SLC47A2: variants seen among roughly 807,000 people sequenced by gnomAD.
SLC47A2 encodes multidrug and toxin extrusion protein 2.
Under a neutral mutation model 67.7 loss-of-function variants are expected in SLC47A2, and 52 were observed. That is an observed-to-expected ratio of 0.77 (90% CI 0.61 to 0.97). The LOEUF is 0.97. Among genes scored for constraint, SLC47A2 ranks in the 50% least tolerant of loss-of-function variants. SLC47A2 has a pLI of 0.00. For missense variants in SLC47A2, 676 were observed against 712.3 expected (o/e 0.95, Z 0.58); for synonymous variants, 278 against 292.9 (o/e 0.95, Z 0.52).
At chr17:19,705,383 C>A in intron 10 of SLC47A2, 53 bp downstream of exon 10, 1 of 1,555,934 alleles carries the variant, frequency 6.4e-7, no homozygotes, top group Admixed American at 1.8e-5. Flanking sequence ...TCCTATGACA[C>A]CTCCAGCCAT....
intron 13 of SLC47A2, among the ~76,000 whole-genome samples, chr17:19,700,984 A>G (rs572270322): frequency 2.1e-4 from 31 of 151,112 alleles, no homozygotes; most frequent in Admixed American, 5.3e-4. Context: ...CCTGGCCAAC[A>G]TGGTGAAACC....
At position 19,708,221 on chromosome 17, in the gene SLC47A2, G is replaced by A. The variant is rs1287832692; in HGVS notation, c.629+81C>T. On this transcript the variant is annotated intron_variant, in intron 7 of 16. Coordinates refer to ENST00000433844, the MANE Select transcript of SLC47A2 (RefSeq NM_001099646.3). ...GGACGGCACAGGCAGGGCCAGGATG[G>A]TGACTGATCTGTCTCCACCAGGGGT... The A allele has an allele frequency of 3.3e-6, 5 of 1,509,112 alleles. No individual in the cohort carries two copies. In the East Asian group the frequency reaches 1.1e-4, roughly 34 times the overall value. The allele number at this position is 1,509,112 out of a possible 1,614,324, so 93.5% of individuals were successfully genotyped here. A position where few individuals can be genotyped will look rare whatever the true frequency, so the allele number is the denominator to read the frequency against.
chr17:19,694,455 T>C (rs2085613067), intron 13 of SLC47A2, among the ~76,000 whole-genome samples: 1 of 152,172 alleles, frequency 6.6e-6, no homozygotes, highest in Non-Finnish European at 1.5e-5. Flanking sequence ...AATTCAGAAG[T>C]AAACCACTAC....
intron 13 of SLC47A2, among the ~76,000 whole-genome samples, chr17:19,695,709 C>A (rs1433978738): frequency 1.3e-5 from 2 of 150,918 alleles, no homozygotes; most frequent in Non-Finnish European, 3.0e-5. Context: ...GTGTCTCCCA[C>A]AAAAGATACT....
chr17:19,706,082 G>A (rs891439045), intron 9 of SLC47A2, among the ~76,000 whole-genome samples: 9 of 152,168 alleles, frequency 5.9e-5, no homozygotes, highest in Admixed American at 5.9e-4. Context: ...ACCAGGGTCC[G>A]GCAACTCGAG....
chr17:19,679,195 G>C (rs1016607847), intron 16 of SLC47A2, among the ~76,000 whole-genome samples: 8 of 152,164 alleles, frequency 5.3e-5, no homozygotes, highest in Non-Finnish European at 1.2e-4. Flanking sequence ...ATGATCTGTG[G>C]CTTCAAAAGC....
intron 13 of SLC47A2, 134 bp downstream of exon 13, chr17:19,702,471 G>T: frequency 6.8e-7 from 1 of 1,471,450 alleles, no homozygotes. Context: ...CAAATACTTT[G>T]GGCACTTACT....
At chr17:19,680,069 C>T in intron 15 of SLC47A2, 30 bp from the exon 16 acceptor site, 1 of 1,606,402 alleles carries the variant, frequency 6.2e-7, no homozygotes. Context: ...ATTGGGTCAA[C>T]CTGCCAGCTC....
At chr17:19,697,635 C>T (rs955417215) in intron 13 of SLC47A2, among the ~76,000 whole-genome samples, 7 of 152,062 alleles carry the variant, frequency 4.6e-5, no homozygotes, top group Non-Finnish European at 1.0e-4. Context: ...TCACCCAGCC[C>T]AGAGTGCAGT....
intron 10 of SLC47A2, chr17:19,705,117 C>T (rs1489704472): frequency 2.5e-6 from 1 of 403,264 alleles, no homozygotes; most frequent in Non-Finnish European, 4.4e-6. Flanking sequence ...CCACTGCGCC[C>T]AGCCTGGAAT....
intron 4 of SLC47A2, 144 bp downstream of exon 4, chr17:19,713,681 T>A: frequency 8.6e-7 from 1 of 1,164,666 alleles, no homozygotes; most frequent in Non-Finnish European, 1.2e-6. Flanking sequence ...AACCAAAGCC[T>A]GGAAGGTACC....
At chr17:19,682,329 T>A (rs144126894) in intron 13 of SLC47A2, among the ~76,000 whole-genome samples, 8 of 143,886 alleles carry the variant, frequency 5.6e-5, no homozygotes, top group African/African-American at 5.2e-5. Flanking sequence ...CGAGACTTGG[T>A]CACACACACA....
chr17:19,715,227 A>G lies in SLC47A2; in HGVS notation c.124-10T>C. 1 of 1,606,876 alleles carries G rather than the reference A, an allele frequency of 6.2e-7. No homozygotes were observed. The highest frequency in any genetic ancestry group is 8.5e-7 in the Non-Finnish European group (1 of 1,179,650). The stretch of plus-strand genomic sequence containing the variant: ...GCACCTGGAACAGGAACTGGAGGAC[A>G]GCGGCCAGGTCAGACTCGGGGCCAC... On this transcript the variant is annotated splice_polypyrimidine_tract_variant and intron_variant, in intron 1 of 16. Transcript: ENST00000433844.
upstream of SLC47A2, chr17:19,716,680 G>T: frequency 7.2e-7 from 1 of 1,385,184 alleles, no homozygotes; most frequent in Non-Finnish European, 9.5e-7. Flanking sequence ...AGGGGCAGGA[G>T]GAGGGGCTAC....
At chr17:19,692,513 C>A (rs2085565242) in intron 13 of SLC47A2, among the ~76,000 whole-genome samples, 1 of 152,142 alleles carries the variant, frequency 6.6e-6, no homozygotes, top group African/African-American at 2.4e-5. Context: ...TCTGAATAGA[C>A]CTATACCAAG....
intron 5 of SLC47A2, among the ~76,000 whole-genome samples, chr17:19,709,017 G>A (rs2086025440): frequency 6.6e-6 from 1 of 152,220 alleles, no homozygotes. Context: ...TTGGCTCAGA[G>A]AGAGTACTCT....
chr17:19,691,922 AAGTT>A, intron 13 of SLC47A2, among the ~76,000 whole-genome samples: 1 of 152,288 alleles, frequency 6.6e-6, no homozygotes, highest in African/African-American at 2.4e-5. Flanking sequence ...ATAAAAACAA[AAGTT>A]AGTTCTTAAG....
chr17:19,715,894 CG>C (rs899517204), intron 1 of SLC47A2: 1 of 153,840 alleles, frequency 6.5e-6, no homozygotes, highest in Non-Finnish European at 1.4e-5. Flanking sequence ...TTAGTAGAGT[CG>C]GGGGGTTCTC....
At chr17:19,692,274 C>T (rs763809229) in intron 13 of SLC47A2, 2 of 431,230 alleles carry the variant, frequency 4.6e-6, no homozygotes, top group South Asian at 3.4e-5. Flanking sequence ...TTGACCCACG[C>T]TTACCAAGGA....
Sources: gnomAD v4.1 joint callset for allele counts (sites outside exome capture counted in the v4.1 genomes callset) on GRCh38, gnomAD v4.1.1 for gene constraint, MANE v1.5 for transcripts, NCBI Gene and HGNC (gene_info 2026-07-23, HGNC 2026-07-21) for gene names.